SNX29: variants seen among roughly 807,000 people sequenced by gnomAD.
The protein encoded by SNX29 is sorting nexin-29.
Under a neutral mutation model 102.1 loss-of-function variants are expected in SNX29, and 78 were observed. The observed-to-expected ratio is 0.76, with a 90% CI of 0.64 to 0.92. SNX29 has a LOEUF of 0.92. Ranked by LOEUF, SNX29 falls within the 40% of genes least tolerant of loss-of-function variation. SNX29 has a pLI of 0.00. For missense variants in SNX29, 1,280 were observed against 1,061.7 expected (o/e 1.21, Z -2.86); for synonymous variants, 580 against 414.5 (o/e 1.40, Z -4.85).
chr16:12,363,548 A>T (rs970825277), intron 16 of SNX29, among the ~76,000 whole-genome samples: 2 of 152,210 alleles, frequency 1.3e-5, no homozygotes, highest in African/African-American at 2.4e-5. Context: ...CCAGTGAAAC[A>T]GTGCTCTCTG....
At chr16:12,383,260 C>T (rs963100953) in intron 16 of SNX29, among the ~76,000 whole-genome samples, 4 of 152,090 alleles carry the variant, frequency 2.6e-5, no homozygotes, top group Admixed American at 2.6e-4. Context: ...TCTTTACATA[C>T]AGGGATTATT....
chr16:12,568,114 G>C (rs139916275), intron 20 of SNX29, among the ~76,000 whole-genome samples: 1 of 152,118 alleles, frequency 6.6e-6, no homozygotes, highest in Non-Finnish European at 1.5e-5. Flanking sequence ...ATCTTGTGTG[G>C]CTTTATGTAG....
intron 14 of SNX29, among the ~76,000 whole-genome samples, chr16:12,266,399 T>C (rs2142555100): frequency 6.6e-6 from 1 of 152,178 alleles, no homozygotes; most frequent in African/African-American, 2.4e-5. Flanking sequence ...CTGCCCCTAT[T>C]GCGGATTTCA....
intron 4 of SNX29, among the ~76,000 whole-genome samples, chr16:12,031,506 T>C (rs1268556421): frequency 2.0e-5 from 3 of 151,140 alleles, no homozygotes; most frequent in Non-Finnish European, 4.4e-5. Flanking sequence ...ACTTCTATTC[T>C]CTCTTAAAAA....
At chr16:12,564,668 G>C (rs1160253756) in intron 20 of SNX29, among the ~76,000 whole-genome samples, 1 of 152,104 alleles carries the variant, frequency 6.6e-6, no homozygotes, top group African/African-American at 2.4e-5. Context: ...AACATATCTT[G>C]TCCACACATT....
intron 16 of SNX29, among the ~76,000 whole-genome samples, chr16:12,362,572 C>CCG (rs2082338531): frequency 1.3e-5 from 1 of 79,514 alleles, no homozygotes; most frequent in South Asian, 7.0e-4. Context: ...ACCCCCCCCC[C>CCG]CACCAGTTTC....
At chr16:12,414,558 G>A (rs1029760932) in intron 18 of SNX29, among the ~76,000 whole-genome samples, 4 of 152,058 alleles carry the variant, frequency 2.6e-5, no homozygotes, top group South Asian at 2.1e-4. Context: ...TGATTCCCCC[G>A]GTCTCTTTCC....
chr16:12,049,972 CA>C (rs2050238744), intron 7 of SNX29, among the ~76,000 whole-genome samples: 1 of 152,176 alleles, frequency 6.6e-6, no homozygotes, highest in African/African-American at 2.4e-5. Flanking sequence ...TGAAACAAGG[CA>C]GTAACTGTGG....
intron 16 of SNX29, among the ~76,000 whole-genome samples, chr16:12,383,512 C>G (rs1490313877): frequency 6.6e-6 from 1 of 152,072 alleles, no homozygotes; most frequent in Non-Finnish European, 1.5e-5. Context: ...TCTTGGCTCA[C>G]TACAACCTCT....
chr16:12,126,426 C>A (rs534104126), intron 11 of SNX29, among the ~76,000 whole-genome samples: 1 of 152,224 alleles, frequency 6.6e-6, no homozygotes, highest in Non-Finnish European at 1.5e-5. Context: ...AGGATTTGAA[C>A]CTGGGACCTG....
intron 16 of SNX29, among the ~76,000 whole-genome samples, chr16:12,380,873 C>A (rs1262034453): frequency 9.0e-5 from 9 of 99,930 alleles, no homozygotes; most frequent in Non-Finnish European, 1.1e-4. Flanking sequence ...CACCATCTAT[C>A]CATCCACCCA....
intron 15 of SNX29, among the ~76,000 whole-genome samples, chr16:12,306,428 G>A (rs2080341281): frequency 6.6e-6 from 1 of 152,044 alleles, no homozygotes; most frequent in East Asian, 2.0e-4. Flanking sequence ...AGTATAAAAC[G>A]AGGTCTGTTT....
At chr16:12,275,770 G>C (rs957718485) in intron 14 of SNX29, among the ~76,000 whole-genome samples, 2 of 146,918 alleles carry the variant, frequency 1.4e-5, no homozygotes, top group Non-Finnish European at 3.0e-5. Context: ...ATAATAAATT[G>C]TGCATATGTA....
chr16:12,476,421 T>TATATATATGTATATAC (rs2087639071), intron 18 of SNX29, among the ~76,000 whole-genome samples: 2 of 51,980 alleles, frequency 3.8e-5, no homozygotes, highest in African/African-American at 1.3e-4. Context: ...TACATATATA[T>TATATATATGTATATAC]ATATATATAT....
chr16:12,045,721 T>C (rs946394879), intron 5 of SNX29, among the ~76,000 whole-genome samples: 1 of 151,538 alleles, frequency 6.6e-6, no homozygotes, highest in African/African-American at 2.4e-5. Flanking sequence ...GCCTCCAGGT[T>C]CAAGCGATTC....
At chr16:12,537,175 G>C (rs546177480) in intron 20 of SNX29, among the ~76,000 whole-genome samples, 38 of 152,234 alleles carry the variant, frequency 2.5e-4, no homozygotes, top group African/African-American at 9.1e-4. Flanking sequence ...GCATAAAGAT[G>C]CCATCCCCCT....
At chr16:12,549,513 T>C (rs928981682) in intron 20 of SNX29, among the ~76,000 whole-genome samples, 2 of 135,016 alleles carry the variant, frequency 1.5e-5, no homozygotes, top group Admixed American at 7.5e-5. Flanking sequence ...GTTCATGCCA[T>C]TTTTCATCCT....
chr16:12,454,274 G>C (rs1201431716), intron 18 of SNX29, among the ~76,000 whole-genome samples: 1 of 152,198 alleles, frequency 6.6e-6, no homozygotes, highest in Non-Finnish European at 1.5e-5. Flanking sequence ...AGAGCAGAAA[G>C]ATGGACGGCC....
chr16:12,438,594 G>A (rs1446287823), intron 18 of SNX29, among the ~76,000 whole-genome samples: 1 of 152,234 alleles, frequency 6.6e-6, no homozygotes, highest in Non-Finnish European at 1.5e-5. Flanking sequence ...GCCAGGTAGA[G>A]GCAGTGAGGC....
Sources: allele counts gnomAD v4.1 joint callset (sites outside exome capture counted in the v4.1 genomes callset), GRCh38; gene constraint gnomAD v4.1.1; transcripts MANE v1.5; gene names NCBI Gene and HGNC (gene_info 2026-07-23, HGNC 2026-07-21).